The following IFT140 variants were observed in gnomAD, a reference collection of about 807,000 sequenced individuals.
IFT140 encodes intraflagellar transport 140.
A neutral mutation model predicts 164.6 loss-of-function variants in IFT140; 133 were observed. The ratio of observed to expected loss-of-function variants is 0.81; its 90% CI spans 0.70 to 0.93. IFT140 has a LOEUF of 0.93. Among genes scored for constraint, IFT140 ranks in the 40% least tolerant of loss-of-function variants. IFT140 has a pLI of 0.00. For synonymous variants in IFT140, 860 were observed against 817.3 expected (o/e 1.05, Z -0.89); for missense variants, 2,045 against 1,972.3 (o/e 1.04, Z -0.70).
Position 1,526,874 on chromosome 16 carries a change from G to A in IFT140, c.2400-78C>T, listed in dbSNP as rs1005040847. 39 of 1,450,142 alleles carry A rather than the reference G, an allele frequency of 2.7e-5. No individual in the cohort carries two copies. The African/African-American group carries it at 4.9e-4, about 18-fold the overall frequency. The allele number at this position is 1,450,142 out of a possible 1,614,324, so 89.8% of individuals were successfully genotyped here. A position where few individuals can be genotyped will look rare whatever the true frequency, so the allele number is the denominator to read the frequency against. ...TGGCCCTACGGCCCCTTCTCCTGGG[G>A]CAAGTAGTCATCAGGCACAGCTGCC... On this transcript the variant is annotated intron_variant, in intron 19 of 30. Transcript: ENST00000426508.
intron 10 of IFT140, among the ~76,000 whole-genome samples, chr16:1,585,366 C>G (rs1161744914): frequency 6.6e-6 from 1 of 152,088 alleles, no homozygotes; most frequent in South Asian, 2.1e-4. Context: ...CCAGAATGGG[C>G]AAATCCTTAG....
intron 19 of IFT140, among the ~76,000 whole-genome samples, chr16:1,535,460 CT>C (rs1242950815): frequency 6.6e-6 from 1 of 152,214 alleles, no homozygotes; most frequent in African/African-American, 2.4e-5. Context: ...CCCCAAGTCT[CT>C]GCTGCAGAGC....
At chr16:1,591,573 C>A (rs551383524) in intron 6 of IFT140, among the ~76,000 whole-genome samples, 2 of 152,328 alleles carry the variant, frequency 1.3e-5, no homozygotes, top group East Asian at 3.9e-4. Flanking sequence ...CACACCTGGG[C>A]TAGTGTCACA....
At position 1,520,854 on chromosome 16, in the gene IFT140, A is replaced by G. The variant is rs1292240927; in HGVS notation, c.3454-46T>C. 4 of 1,549,988 alleles carry G rather than the reference A, an allele frequency of 2.6e-6. No individual in the cohort carries two copies. The African/African-American group carries it at 5.4e-5, about 21-fold the overall frequency. On this transcript the variant is annotated intron_variant, in intron 26 of 30. Transcript: ENST00000426508. ...GACGGGGCTGCCGAGGGGGCCGGGA[A>G]CTGAAGTGCGCCCCTCATCTGCCAC...
chr16:1,510,736 G>T lies in IFT140; in HGVS notation c.*208C>A, dbSNP rs1389254388. ...ATCCAAAAATCTAGTGGAGCTGCCG[G>T]GCACCCAGAGGCAGGTGGGACAGAG... On this transcript the variant is annotated 3_prime_UTR_variant, in exon 31 of 31. Coordinates refer to ENST00000426508, the MANE Select transcript of IFT140 (RefSeq NM_014714.4). The T allele has an allele frequency of 3.3e-6, 2 of 598,046 alleles. No homozygotes were observed. Among genetic ancestry groups the T allele is most frequent in the Non-Finnish European group, 5.9e-6 (2 of 337,820 alleles). 37.0% of individuals were successfully genotyped at this position (598,046 alleles called of 1,614,324 possible). A position where few individuals can be genotyped will look rare whatever the true frequency, so the allele number is the denominator to read the frequency against.
intron 19 of IFT140, among the ~76,000 whole-genome samples, chr16:1,538,273 C>T (rs1381654394): frequency 1.3e-5 from 2 of 152,172 alleles, no homozygotes; most frequent in African/African-American, 4.8e-5. Flanking sequence ...GCACAGAGCC[C>T]CTGCCATGGT....
chr16:1,566,477 T>C (rs898232313), intron 15 of IFT140, among the ~76,000 whole-genome samples, 186 bp from the exon 16 acceptor site: 2 of 152,198 alleles, frequency 1.3e-5, no homozygotes, highest in African/African-American at 4.8e-5. Flanking sequence ...TTTGGTGTTT[T>C]TTGAGACAGG....
intron 12 of IFT140, among the ~76,000 whole-genome samples, chr16:1,583,007 GAC>G (rs2034658275): frequency 6.6e-6 from 1 of 152,240 alleles, no homozygotes; most frequent in Non-Finnish European, 1.5e-5. Flanking sequence ...CTTGGGTCAA[GAC>G]ACCACAGGTC....
chr16:1,573,034 C>A (rs951969248), intron 13 of IFT140, among the ~76,000 whole-genome samples: 1 of 151,982 alleles, frequency 6.6e-6, no homozygotes, highest in East Asian at 1.9e-4. Flanking sequence ...TTAGTGGGCA[C>A]GGAAATCTAA....
intron 3 of IFT140, among the ~76,000 whole-genome samples, chr16:1,606,701 C>A (rs2036078410): frequency 6.6e-6 from 1 of 152,148 alleles, no homozygotes; most frequent in Admixed American, 6.5e-5. Context: ...CTCAAGTGAT[C>A]CACCCACCTC....
At position 1,610,683 on chromosome 16, in the gene IFT140, C is replaced by T. The variant is rs2036292497; in HGVS notation, c.-51G>A. ...ACTCACCTCTGCCAGGCCGCTGAGC[C>T]GCCGCGCGTTGCCGGGACAACGGCG... is the stretch of plus-strand genomic sequence containing the variant. On this transcript the variant is annotated 5_prime_UTR_variant, in exon 2 of 31. Transcript: ENST00000426508. 1 of 152,556 alleles carries T rather than the reference C, an allele frequency of 6.6e-6. No homozygotes were observed. The highest frequency in any genetic ancestry group is 2.4e-5 in the African/African-American group (1 of 41,486). The allele number at this position is 152,556 out of a possible 1,614,324, so 9.5% of individuals were successfully genotyped here. A position where few individuals can be genotyped will look rare whatever the true frequency, so the allele number is the denominator to read the frequency against.
intron 3 of IFT140, among the ~76,000 whole-genome samples, chr16:1,604,877 G>C (rs2035980895): frequency 6.6e-6 from 1 of 152,090 alleles, no homozygotes; most frequent in African/African-American, 2.4e-5. Context: ...CAGGATAAAG[G>C]GGGTGACTTT....
intron 30 of IFT140, among the ~76,000 whole-genome samples, chr16:1,511,743 G>A (rs1031472759): frequency 3.3e-5 from 5 of 151,752 alleles, no homozygotes; most frequent in African/African-American, 1.2e-4. Context: ...ACGAGAGGCT[G>A]AGGGCAAACA....
chr16:1,516,733 G>A (rs1181589884), intron 30 of IFT140, among the ~76,000 whole-genome samples: 4 of 137,602 alleles, frequency 2.9e-5, no homozygotes, highest in Non-Finnish European at 4.5e-5. Context: ...TTGCACCACC[G>A]CACTCCAGCC....
chr16:1,520,247 A>C lies in IFT140; in HGVS notation c.3757T>G (p.Tyr1253Asp). 6.2e-7 allele frequency: 1 copy of C among 1,614,202 alleles called. No individual in the cohort carries two copies. The highest frequency in any genetic ancestry group is 8.5e-7 in the Non-Finnish European group (1 of 1,180,018). The change falls in exon 28 of 31, where the codon TAC becomes GAC. Residue 1253 changes from tyrosine to aspartate, a missense_variant. Coordinates refer to ENST00000426508, the MANE Select transcript of IFT140 (RefSeq NM_014714.4). ...QKEIYIMAAN[Y>D]LQSLDWRKEP... ...TTCCGCCAGTCCAGGGACTGCAGGT[A>C]GTTAGCAGCCATGATGTAGATTTCC...
chr16:1,526,625 G>T lies in IFT140; in HGVS notation c.2571C>A (p.Gly857=). 6.4e-7 allele frequency: 1 copy of T among 1,552,642 alleles called. No individual in the cohort carries two copies. The highest frequency in any genetic ancestry group is 2.4e-5 in the East Asian group (1 of 41,808). The change falls in exon 20 of 31, where the codon GGC becomes GGA. Residue 857 remains glycine, a synonymous_variant. Coordinates refer to ENST00000426508, the MANE Select transcript of IFT140 (RefSeq NM_014714.4). ...ARVAVLATQL[G]MLEDAEQLYR... ...CATGGCGGGCGCCCCTCACCAGCATGCCCAGCTGCGTGGCCAGCACGGCCA... is the reference window on the plus strand; with the variant it reads ...CATGGCGGGCGCCCCTCACCAGCATTCCCAGCTGCGTGGCCAGCACGGCCA...
rs1035455537 is a variant in IFT140, at chr16:1,562,071, A to G, written c.2113T>C (p.Phe705Leu). The change falls in exon 18 of 31, where the codon TTC becomes CTC. Residue 705 changes from phenylalanine (F) to leucine (L), a missense_variant. Transcript: ENST00000426508. ...LSFFISEEHGFLLHESFPRPA... is the reference protein window; with the variant it reads ...LSFFISEEHGLLLHESFPRPA... ...CGGGGGAAGCTCTCATGAAGCAGGAAGCCGTGCTCTTCGGAAATGAAGAAG... is the reference window on the plus strand; with the variant it reads ...CGGGGGAAGCTCTCATGAAGCAGGAGGCCGTGCTCTTCGGAAATGAAGAAG... 1 of 1,612,042 alleles carries G rather than the reference A, an allele frequency of 6.2e-7. No homozygotes were observed. The highest frequency in any genetic ancestry group is 8.5e-7 in the Non-Finnish European group (1 of 1,179,090).
Position 1,551,799 on chromosome 16 carries a change from T to C in IFT140, c.2399+6136A>G, listed in dbSNP as rs574427796. Reference sequence around the variant, plus strand: ...CCGGCAGATCCGGCAAGATCAACTCTGCGGGACCTCCCACCCGGGCTGGTT... The same window carrying C: ...CCGGCAGATCCGGCAAGATCAACTCCGCGGGACCTCCCACCCGGGCTGGTT... On this transcript the variant is annotated intron_variant, in intron 19 of 30. Coordinates refer to ENST00000426508, the MANE Select transcript of IFT140 (RefSeq NM_014714.4). This position sits in a 1 kb window ranked among gnomAD's most constrained non-coding sequence, Gnocchi z 4.0. 3.2e-4 allele frequency among the ~76,000 whole-genome samples: 49 copies of C among 152,304 alleles called. No homozygotes were observed. The South Asian group carries it at 9.7e-3, about 30-fold the overall frequency.
chr16:1,563,943 C>T (rs576708991), intron 17 of IFT140, 54 bp downstream of exon 17: 1 of 1,477,356 alleles, frequency 6.8e-7, no homozygotes, highest in Admixed American at 2.0e-5. Context: ...GATCTTAAGT[C>T]TGTCAAATGG....
Sources: gnomAD v4.1 joint callset for allele counts (sites outside exome capture counted in the v4.1 genomes callset) on GRCh38, gnomAD v4.1.1 for gene constraint, Gnocchi (gnomAD v3.1) non-coding constraint, MANE v1.5 for transcripts, NCBI Gene and HGNC (gene_info 2026-07-23, HGNC 2026-07-21) for gene names.